Variants in WBP1L observed in about 807,000 individuals in gnomAD.
WBP1L encodes WW domain binding protein 1 like, also known as WW domain binding protein 1-like.
WBP1L carries 17 observed loss-of-function variants against 33.7 expected under a neutral mutation model. The observed-to-expected ratio is 0.50, with a 90% CI of 0.34 to 0.76. The LOEUF (loss-of-function observed/expected upper bound fraction) is 0.76, where lower values mean the gene tolerates loss of function less well. Among genes scored for constraint, WBP1L ranks in the 30% least tolerant of loss-of-function variants. The pLI, the probability that WBP1L is intolerant of heterozygous loss-of-function variation, is 0.01. For synonymous variants in WBP1L, 173 were observed against 190.8 expected (o/e 0.91, Z 0.77); for missense variants, 389 against 469.4 (o/e 0.83, Z 1.58).
At chr10:102,794,040 A>G (rs373712960) in intron 1 of WBP1L, among the ~76,000 whole-genome samples, 1 of 152,126 alleles carries the variant, frequency 6.6e-6, no homozygotes, top group South Asian at 2.1e-4. Context: ...CAAAGTGCTG[A>G]AATTATAGGC....
intron 2 of WBP1L, among the ~76,000 whole-genome samples, chr10:102,805,264 G>A (rs1814664235): frequency 6.6e-6 from 1 of 152,082 alleles, no homozygotes; most frequent in Non-Finnish European, 1.5e-5. Context: ...GGGTGACAGA[G>A]TAATACCTGT....
intron 1 of WBP1L, among the ~76,000 whole-genome samples, chr10:102,770,952 G>C (rs1239404872): frequency 6.6e-6 from 1 of 152,206 alleles, no homozygotes; most frequent in African/African-American, 2.4e-5. Context: ...AATCCTTGCT[G>C]TCTCACAGCC....
intron 1 of WBP1L, among the ~76,000 whole-genome samples, chr10:102,769,693 G>T (rs2134037568): frequency 6.6e-6 from 1 of 152,316 alleles, no homozygotes; most frequent in East Asian, 1.9e-4. Flanking sequence ...GATTCTGGCT[G>T]CACTGCCTAT....
intron 2 of WBP1L, among the ~76,000 whole-genome samples, chr10:102,807,985 T>A (rs1207575067): frequency 2.6e-5 from 4 of 151,892 alleles, no homozygotes. Context: ...GACGTGAGGA[T>A]CTCTTGAGCC....
chr10:102,789,894 C>T (rs1010251796), intron 1 of WBP1L, among the ~76,000 whole-genome samples: 1 of 151,978 alleles, frequency 6.6e-6, no homozygotes, highest in Non-Finnish European at 1.5e-5. Flanking sequence ...AGGCGCCCGC[C>T]ACCACGCCCA....
At chr10:102,790,501 CA>C (rs1843480123) in intron 1 of WBP1L, among the ~76,000 whole-genome samples, 1 of 151,898 alleles carries the variant, frequency 6.6e-6, no homozygotes, top group Admixed American at 6.6e-5. Flanking sequence ...AGCTTATCTT[CA>C]ACAGAACTTT....
chr10:102,808,196 A>G (rs548593424), intron 2 of WBP1L, among the ~76,000 whole-genome samples: 6 of 152,238 alleles, frequency 3.9e-5, no homozygotes, highest in South Asian at 2.1e-4. Flanking sequence ...AAAGAAAATT[A>G]ATTTGTTTCT....
At chr10:102,748,940 A>G (rs2134023617) in intron 1 of WBP1L, among the ~76,000 whole-genome samples, 1 of 152,350 alleles carries the variant, frequency 6.6e-6, no homozygotes, top group South Asian at 2.1e-4. Flanking sequence ...CCAGTGTGGA[A>G]GAATGAAAAT....
chr10:102,776,098 G>A (rs558253938), intron 1 of WBP1L: 23 of 985,198 alleles, frequency 2.3e-5, no homozygotes, highest in South Asian at 1.4e-4. Context: ...TTTCTGCTGC[G>A]CCTGAACTGA....
chr10:102,810,072 C>T lies in WBP1L; in HGVS notation c.355+18C>T, dbSNP rs1458738094. 6 of 1,592,964 alleles carry T rather than the reference C, an allele frequency of 3.8e-6. No homozygotes were observed. The highest frequency in any genetic ancestry group is 2.2e-5 in the East Asian group (1 of 44,758). On this transcript the variant is annotated intron_variant, in intron 3 of 3. Transcript: ENST00000448841. Reference sequence around the variant, plus strand: ...TTATTTCAGTACGTACACCCAAGCCCCCATACCCACCCTCAGGAGCTCAGG... The same window carrying T: ...TTATTTCAGTACGTACACCCAAGCCTCCATACCCACCCTCAGGAGCTCAGG...
At chr10:102,748,530 G>A (rs1259597590) in intron 1 of WBP1L, among the ~76,000 whole-genome samples, 2 of 152,170 alleles carry the variant, frequency 1.3e-5, no homozygotes, top group African/African-American at 2.4e-5. Flanking sequence ...TGCTTAGTGC[G>A]TTTGATGTAC....
At chr10:102,782,021 C>T (rs1417047354) in intron 1 of WBP1L, among the ~76,000 whole-genome samples, 3 of 152,010 alleles carry the variant, frequency 2.0e-5, no homozygotes, top group Non-Finnish European at 4.4e-5. Flanking sequence ...GCACCTGCCA[C>T]CATGCCCAGC....
At chr10:102,797,698 G>A (rs1044986657) in intron 1 of WBP1L, among the ~76,000 whole-genome samples, 12 of 151,898 alleles carry the variant, frequency 7.9e-5, no homozygotes, top group African/African-American at 2.4e-4. Context: ...GATTACAGGC[G>A]CGCACCACCA....
Position 102,807,753 on chromosome 10 carries a change from TTGTA to T in WBP1L, c.194-2136_194-2133del, listed in dbSNP as rs1409159177. On this transcript the variant is annotated intron_variant, in intron 2 of 3. Coordinates refer to ENST00000448841, the MANE Select transcript of WBP1L (RefSeq NM_001083913.2). The stretch of plus-strand genomic sequence containing the variant: ...TTTTTCATTTAATATCAGAAACTCT[TTGTA>T]TGTCAAAAATAATATTATGTGAGTA... Among the ~76,000 whole-genome samples, 5 of 152,044 alleles carry T rather than the reference TTGTA, an allele frequency of 3.3e-5. No individual in the cohort carries two copies. The South Asian group carries it at 1.0e-3, about 31-fold the overall frequency.
intron 1 of WBP1L, among the ~76,000 whole-genome samples, chr10:102,749,576 A>G (rs1842904787): frequency 1.3e-5 from 2 of 151,682 alleles, no homozygotes; most frequent in South Asian, 4.2e-4. Flanking sequence ...GGCCTCCCAA[A>G]GTGTTTGGAT....
At chr10:102,811,497 GTTTC>G (rs1300930719) in intron 3 of WBP1L, among the ~76,000 whole-genome samples, 4 of 152,204 alleles carry the variant, frequency 2.6e-5, no homozygotes, top group African/African-American at 9.6e-5. Context: ...TTTCACAATT[GTTTC>G]TTTACAATTG....
chr10:102,781,861 A>T (rs867151517), intron 1 of WBP1L, among the ~76,000 whole-genome samples: 25 of 126,110 alleles, frequency 2.0e-4, no homozygotes, highest in African/African-American at 7.8e-4. Context: ...TTTCAGGTTA[A>T]TTTTTTTTGG....
rs189327131 is a variant in WBP1L at position 102,771,731 on chromosome 10, C to T, written c.91-26262C>T. The stretch of plus-strand genomic sequence containing the variant: ...TCTGAGGCAGGGGGATCGCTTGAAC[C>T]TGGGAGGCAGAGGTTGCAGTGAGCC... On this transcript the variant is annotated intron_variant, in intron 1 of 3. Transcript: ENST00000448841. Among the ~76,000 whole-genome samples, 657 of 151,318 alleles carry T rather than the reference C, an allele frequency of 4.3e-3. 23 individuals are homozygous for T. Among genetic ancestry groups the T allele is most frequent in the Admixed American group, 0.039 (595 of 15,188 alleles).
At chr10:102,786,171 A>G (rs1471475651) in intron 1 of WBP1L, among the ~76,000 whole-genome samples, 1 of 152,174 alleles carries the variant, frequency 6.6e-6, no homozygotes, top group Non-Finnish European at 1.5e-5. Context: ...ACTGGTGTGG[A>G]TGGGAGCGTA....
Sources: gnomAD v4.1 joint callset for allele counts (sites outside exome capture counted in the v4.1 genomes callset) on GRCh38, gnomAD v4.1.1 for gene constraint, MANE v1.5 for transcripts, NCBI Gene and HGNC (gene_info 2026-07-23, HGNC 2026-07-21) for gene names.